The following CELF5 variants were observed in gnomAD, a reference collection of about 807,000 sequenced individuals.
CELF5 encodes CUG-BP and ETR-3 like factor 5.
In CELF5, 6 loss-of-function variants were observed where a neutral mutation model predicts 54.9. The ratio of observed to expected loss-of-function variants is 0.11; its 90% confidence interval spans 0.06 to 0.22. The LOEUF (loss-of-function observed/expected upper bound fraction) is 0.22, where lower values mean the gene tolerates loss of function less well. Among genes scored for constraint, CELF5 ranks in the 10% least tolerant of loss-of-function variants. The probability of loss-of-function intolerance (pLI) is 1.00; values close to 1 mark genes in which losing one functional copy is unlikely to be tolerated. For missense variants in CELF5, 401 were observed against 678.6 expected, an observed-to-expected ratio of 0.59 and a Z score of 4.54; for synonymous variants, 271 against 290.9, an observed-to-expected ratio of 0.93 and a Z score of 0.70.
intron 2 of CELF5, among the ~76,000 whole-genome samples, chr19:3,259,959 A>G (rs1239301967): frequency 6.6e-6 from 1 of 152,176 alleles, no homozygotes; most frequent in Non-Finnish European, 1.5e-5. Context: ...ATCTAATAGA[A>G]AGAGAATGTG....
intron 1 of CELF5, among the ~76,000 whole-genome samples, chr19:3,245,637 A>G (rs17696606): frequency 0.084 from 12,747 of 151,658 alleles, 1,166 homozygotes; most frequent in East Asian, 0.45. Flanking sequence ...CTGCAGCCCA[A>G]TTTCTTGCCG....
intron 1 of CELF5, 106 bp from the exon 2 acceptor site, chr19:3,250,879 G>GTTCGTCGTTT: frequency 1.7e-6 from 1 of 596,380 alleles, no homozygotes; most frequent in Admixed American, 2.4e-5. Context: ...ATGCATCTGT[G>GTTCGTCGTTT]GATGGAAGCT....
intron 2 of CELF5, among the ~76,000 whole-genome samples, chr19:3,260,405 G>C (rs948307720): frequency 2.6e-5 from 4 of 151,890 alleles, no homozygotes; most frequent in Non-Finnish European, 5.9e-5. Flanking sequence ...CAAAATGCTG[G>C]GATTACAGGC....
intron 1 of CELF5, among the ~76,000 whole-genome samples, chr19:3,248,905 C>T (rs2629101): frequency 0.014 from 1,305 of 93,884 alleles, 7 homozygotes; most frequent in East Asian, 0.08. Flanking sequence ...TTCCTTCCTT[C>T]CTTTCTTTCT....
chr19:3,242,964 A>G (rs2079512397), intron 1 of CELF5, among the ~76,000 whole-genome samples: 1 of 149,882 alleles, frequency 6.7e-6, no homozygotes, highest in Non-Finnish European at 1.5e-5. Flanking sequence ...ACTCCATCTC[A>G]AATAATAATA....
chr19:3,275,579 A>C lies in CELF5; in HGVS notation c.395-277A>C, dbSNP rs1332252999. Among the ~76,000 whole-genome samples, 11 of 152,160 alleles carry C rather than the reference A, an allele frequency of 7.2e-5. No individual in the cohort carries two copies. The highest frequency in any genetic ancestry group is 1.6e-4 in the Non-Finnish European group (11 of 68,032). ...CTGGAGGGGGAGCAGTGGAGCAGAG[A>C]CCCCAAAAGACTGCAGGGAGGGCAT... is the stretch of plus-strand genomic sequence containing the variant. On this transcript the variant is annotated intron_variant, in intron 3 of 12. Coordinates refer to ENST00000292672, the MANE Select transcript of CELF5 (RefSeq NM_021938.4). This position sits in a 1 kb window ranked among gnomAD's most constrained non-coding sequence, Gnocchi z 6.7.
chr19:3,281,878 C>G lies in CELF5; in HGVS notation c.751-248C>G, dbSNP rs1456083210. ...ACTGAGCCCTGATCCTAGGCTGAGC[C>G]TTGATCCCAGGCTGAGCCCCAATTC... On this transcript the variant is annotated intron_variant, in intron 6 of 12. Transcript: ENST00000292672. The surrounding 1 kb of genome is among the most constrained non-coding windows in gnomAD (Gnocchi z 6.5). 6.6e-6 allele frequency among the ~76,000 whole-genome samples: 1 copy of G among 151,878 alleles called. No individual in the cohort carries two copies.
chr19:3,262,319 G>T (rs887409600), intron 2 of CELF5, among the ~76,000 whole-genome samples: 1 of 152,130 alleles, frequency 6.6e-6, no homozygotes, highest in East Asian at 1.9e-4. Context: ...ATGAGCCACC[G>T]CGCCCGGCCA....
At chr19:3,264,951 T>G (rs1193902085) in intron 2 of CELF5, among the ~76,000 whole-genome samples, 1 of 152,006 alleles carries the variant, frequency 6.6e-6, no homozygotes, top group Non-Finnish European at 1.5e-5. Context: ...TGACCTCAAG[T>G]GATCTGCCTG....
chr19:3,250,884 G>GCCGTTTCATTCAA, intron 1 of CELF5, 101 bp from the exon 2 acceptor site: 1 of 583,600 alleles, frequency 1.7e-6, no homozygotes, highest in Non-Finnish European at 3.0e-6. Flanking sequence ...TCTGTGGATG[G>GCCGTTTCATTCAA]AAGCTTGGGT....
At chr19:3,276,266 G>T (rs2080050194) in intron 4 of CELF5, among the ~76,000 whole-genome samples, 1 of 146,734 alleles carries the variant, frequency 6.8e-6, no homozygotes, top group East Asian at 2.1e-4. Context: ...CAGGGCCCTG[G>T]GGAGGGGTGG....
At chr19:3,257,841 C>A (rs547322633) in intron 2 of CELF5, among the ~76,000 whole-genome samples, 5 of 148,354 alleles carry the variant, frequency 3.4e-5, no homozygotes, top group African/African-American at 1.2e-4. Flanking sequence ...TTATTTGAGA[C>A]AGAATCTCAC....
intron 9 of CELF5, among the ~76,000 whole-genome samples, chr19:3,285,260 C>G (rs1298211663): frequency 6.6e-6 from 1 of 151,994 alleles, no homozygotes; most frequent in African/African-American, 2.4e-5. Flanking sequence ...GAGGGAATTC[C>G]CCTTGACCAC....
At chr19:3,256,472 G>A (rs1413095194) in intron 2 of CELF5, among the ~76,000 whole-genome samples, 1 of 152,042 alleles carries the variant, frequency 6.6e-6, no homozygotes, top group Admixed American at 6.6e-5. Flanking sequence ...AAGCCAGTGA[G>A]AACAACATTG....
chr19:3,289,726 A>C (rs561631581), intron 10 of CELF5, among the ~76,000 whole-genome samples: 76 of 147,658 alleles, frequency 5.1e-4, no homozygotes, highest in African/African-American at 1.9e-3. Context: ...TTAGCAACGC[A>C]TGGTGGCTGA....
chr19:3,243,197 G>T (rs1324576613), intron 1 of CELF5, among the ~76,000 whole-genome samples: 1 of 151,410 alleles, frequency 6.6e-6, no homozygotes, highest in Non-Finnish European at 1.5e-5. Flanking sequence ...TAATTTTTTT[G>T]TTTTGGGGTA....
chr19:3,252,422 A>G (rs753812659), intron 2 of CELF5, among the ~76,000 whole-genome samples: 20 of 152,166 alleles, frequency 1.3e-4, no homozygotes, highest in Non-Finnish European at 2.8e-4. Flanking sequence ...TCCCTGAGCC[A>G]GTCAATCCGG....
chr19:3,226,402 A>T (rs1458791211), intron 1 of CELF5, among the ~76,000 whole-genome samples: 4 of 142,152 alleles, frequency 2.8e-5, no homozygotes, highest in Non-Finnish European at 6.1e-5. Context: ...GAGGAAAGAA[A>T]CCCCTCCCCA....
At chr19:3,260,708 C>T (rs532510720) in intron 2 of CELF5, among the ~76,000 whole-genome samples, 93 of 151,166 alleles carry the variant, frequency 6.2e-4, no homozygotes, top group African/African-American at 2.2e-3. Flanking sequence ...CTGCAAGCTC[C>T]GCCTCCCAGG....
Sources: gnomAD v4.1 joint callset for allele counts (sites outside exome capture counted in the v4.1 genomes callset) on GRCh38, gnomAD v4.1.1 for gene constraint, Gnocchi (gnomAD v3.1) non-coding constraint, MANE v1.5 for transcripts, NCBI Gene and HGNC (gene_info 2026-07-23, HGNC 2026-07-21) for gene names.